CD79A: variants seen among roughly 807,000 people sequenced by gnomAD.
CD79A encodes the protein CD79a molecule, also known as B-cell antigen receptor complex-associated protein alpha chain.
In CD79A, 16 loss-of-function variants were observed where a neutral mutation model predicts 27.4. The ratio of observed to expected loss-of-function variants is 0.58; its 90% CI spans 0.40 to 0.89. The LOEUF (loss-of-function observed/expected upper bound fraction) is 0.89. Ranked by LOEUF, CD79A falls within the 40% of genes least tolerant of loss-of-function variation. The pLI is 0.00. For missense variants in CD79A, 237 were observed against 299.7 expected, an observed-to-expected ratio of 0.79 and a Z score of 1.55; for synonymous variants, 110 against 132.7, an observed-to-expected ratio of 0.83 and a Z score of 1.18.
rs782052829 is a variant in CD79A, at chr19:41,879,165, G to A, written c.255G>A (p.Glu85=). The A allele has an allele frequency of 6.2e-7, 1 of 1,614,038 alleles. No homozygotes were observed. Among genetic ancestry groups the A allele is most frequent in the Non-Finnish European group, 8.5e-7 (1 of 1,180,020 alleles). ...TWPPEFLGPG[E]DPNGTLIIQN... The stretch of plus-strand genomic sequence containing the variant: ...CCCCTGAGTTCTTGGGCCCGGGCGA[G>A]GACCCCAATGGTACGCTGATCATCC... The change falls in exon 2 of 5, where the codon GAG becomes GAA. Residue 85 remains glutamate (E), a synonymous_variant. Coordinates refer to ENST00000221972, the MANE Select transcript of CD79A (RefSeq NM_001783.4). The surrounding 1 kb of genome is among the most constrained non-coding windows in gnomAD (Gnocchi z 5.1).
chr19:41,880,751 TG>T lies in CD79A; in HGVS notation c.567+17del. On this transcript the variant is annotated intron_variant, in intron 4 of 4. Transcript: ENST00000221972. ...AAACCTTTATGAAGTGAGTGAAGGG[TG>T]GGGATGGGGTAGGGGCAGTTGTGTT... is the stretch of plus-strand genomic sequence containing the variant. 1 of 1,083,220 alleles carries T rather than the reference TG, an allele frequency of 9.2e-7. No homozygotes were observed. The highest frequency in any genetic ancestry group is 1.3e-5 in the South Asian group (1 of 75,802). 67.1% of individuals were successfully genotyped at this position (1,083,220 alleles called of 1,614,324 possible).
Position 41,878,393 on chromosome 19 carries a change from G to A in CD79A, c.80-597G>A, listed in dbSNP as rs880002116. Reference sequence around the variant, plus strand: ...GACTGCCTGGTGATGCTGGCAACCCGCCTGCCCTCCCAGAGCCTCAGCCAT... The same window carrying A: ...GACTGCCTGGTGATGCTGGCAACCCACCTGCCCTCCCAGAGCCTCAGCCAT... On this transcript the variant is annotated intron_variant, in intron 1 of 4. Transcript: ENST00000221972. This position sits in a 1 kb window ranked among gnomAD's most constrained non-coding sequence, Gnocchi z 4.3. Among the ~76,000 whole-genome samples the A allele has an allele frequency of 1.3e-5, 2 of 152,150 alleles. No individual in the cohort carries two copies. Among genetic ancestry groups the A allele is most frequent in the African/African-American group, 2.4e-5 (1 of 41,428 alleles).
chr19:41,877,519 T>A lies in CD79A; in HGVS notation c.79+136T>A. ...GGATAGGGGACCCAGGGAAGATGCC[T>A]ATAGAAATCGTATCTGTGCCAAGAT... On this transcript the variant is annotated intron_variant, in intron 1 of 4. Transcript: ENST00000221972. The surrounding 1 kb of genome is among the most constrained non-coding windows in gnomAD (Gnocchi z 4.1). 1 of 738,816 alleles carries A rather than the reference T, an allele frequency of 1.4e-6. No individual in the cohort carries two copies. Among genetic ancestry groups the A allele is most frequent in the East Asian group, 2.6e-5 (1 of 38,440 alleles). 45.8% of individuals were successfully genotyped at this position (738,816 alleles called of 1,614,324 possible). A position where few individuals can be genotyped will look rare whatever the true frequency, so the allele number is the denominator to read the frequency against.
Position 41,881,005 on chromosome 19 carries a change from C to T in CD79A, c.*25C>T, listed in dbSNP as rs782090035. Reference sequence around the variant, plus strand: ...ACACCCCTACTCCTGCCAGGCTGCCCCCGCCTGCTGTGCACCCAGCTCCAG... The same window carrying T: ...ACACCCCTACTCCTGCCAGGCTGCCTCCGCCTGCTGTGCACCCAGCTCCAG... On this transcript the variant is annotated 3_prime_UTR_variant, in exon 5 of 5. Coordinates refer to ENST00000221972, the MANE Select transcript of CD79A (RefSeq NM_001783.4). 7.2e-7 allele frequency: 1 copy of T among 1,391,262 alleles called. No homozygotes were observed. The highest frequency in any genetic ancestry group is 1.2e-5 in the South Asian group (1 of 81,404). 86.2% of individuals were successfully genotyped at this position (1,391,262 alleles called of 1,614,324 possible). A position where few individuals can be genotyped will look rare whatever the true frequency, so the allele number is the denominator to read the frequency against.
chr19:41,879,099 C>A lies in CD79A; in HGVS notation c.189C>A (p.Asn63Lys), dbSNP rs140047688. The A allele has an allele frequency of 6.2e-7, 1 of 1,613,990 alleles. No individual in the cohort carries two copies. ...QCPHNSSNNA[N>K]VTWWRVLHGN... ...CGCACAATAGCAGCAACAACGCCAA[C>A]GTCACCTGGTGGCGCGTCCTCCATG... The change falls in exon 2 of 5, where the codon AAC becomes AAA. Residue 63 changes from asparagine to lysine, a missense_variant. Transcript: ENST00000221972. This position sits in a 1 kb window ranked among gnomAD's most constrained non-coding sequence, Gnocchi z 5.1.
At position 41,878,877 on chromosome 19, in the gene CD79A, C is replaced by G; in HGVS notation, c.80-113C>G. The G allele has an allele frequency of 6.1e-6, 5 of 815,868 alleles. No homozygotes were observed. Among genetic ancestry groups the G allele is most frequent in the Non-Finnish European group, 9.9e-6 (5 of 502,624 alleles). The allele number at this position is 815,868 out of a possible 1,614,324, so 50.5% of individuals were successfully genotyped here. A position where few individuals can be genotyped will look rare whatever the true frequency, so the allele number is the denominator to read the frequency against. On this transcript the variant is annotated intron_variant, in intron 1 of 4. Transcript: ENST00000221972. This position sits in a 1 kb window ranked among gnomAD's most constrained non-coding sequence, Gnocchi z 4.3. Reference sequence around the variant, plus strand: ...GTCAGGGGCTCTCTCTCTCCCTCCCCACCCAGGAGAGTCCTCACCCTCTTC... The same window carrying G: ...GTCAGGGGCTCTCTCTCTCCCTCCCGACCCAGGAGAGTCCTCACCCTCTTC...
At position 41,877,503 on chromosome 19, in the gene CD79A, A is replaced by C; in HGVS notation, c.79+120A>C. 1 of 829,346 alleles carries C rather than the reference A, an allele frequency of 1.2e-6. No individual in the cohort carries two copies. Among genetic ancestry groups the C allele is most frequent in the Non-Finnish European group, 2.0e-6 (1 of 491,386 alleles). The allele number at this position is 829,346 out of a possible 1,614,324, so 51.4% of individuals were successfully genotyped here. ...GGGAAGAGGAGGCAGAGGATAGGGGACCCAGGGAAGATGCCTATAGAAATC... is the reference window on the plus strand; with the variant it reads ...GGGAAGAGGAGGCAGAGGATAGGGGCCCCAGGGAAGATGCCTATAGAAATC... On this transcript the variant is annotated intron_variant, in intron 1 of 4. Coordinates refer to ENST00000221972, the MANE Select transcript of CD79A (RefSeq NM_001783.4). The surrounding 1 kb of genome is among the most constrained non-coding windows in gnomAD (Gnocchi z 4.1).
Position 41,877,308 on chromosome 19 carries a change from C to T in CD79A, c.4C>T (p.Pro2Ser). Residue 2 changes from proline to serine, a missense_variant, in exon 1 of 5, where the codon CCT becomes TCT. Pro to Ser is a moderately conservative substitution (Grantham distance 74). Coordinates refer to ENST00000221972, the MANE Select transcript of CD79A (RefSeq NM_001783.4). The surrounding 1 kb of genome is among the most constrained non-coding windows in gnomAD (Gnocchi z 4.1). M[P>S]GGPGVLQALP... ...CTAACCAACCCACTGGGAGAAGATG[C>T]CTGGGGGTCCAGGAGTCCTCCAAGC... is the stretch of plus-strand genomic sequence containing the variant. 4 of 1,613,794 alleles carry T rather than the reference C, an allele frequency of 2.5e-6. No homozygotes were observed. Among genetic ancestry groups the T allele is most frequent in the South Asian group, 1.1e-5 (1 of 91,076 alleles).
rs1555843457 is a variant in CD79A at position 41,879,029 on chromosome 19, C to T, written c.119C>T (p.Ala40Val). The T allele has an allele frequency of 5.0e-6, 8 of 1,613,556 alleles. No individual in the cohort carries two copies. In the African/African-American group the frequency reaches 5.3e-5, roughly 11 times the overall value. Reference protein sequence around the residue: ...CQALWMHKVPASLMVSLGEDA... With the variant: ...CQALWMHKVPVSLMVSLGEDA... Reference sequence around the variant, plus strand: ...GCCCTGTGGATGCACAAGGTCCCAGCATCATTGATGGTGAGCCTGGGGGAA... The same window carrying T: ...GCCCTGTGGATGCACAAGGTCCCAGTATCATTGATGGTGAGCCTGGGGGAA... The change falls in exon 2 of 5, where the codon GCA becomes GTA. Residue 40 changes from alanine to valine, a missense_variant. Physicochemically the swap from Ala to Val is moderately conservative, Grantham distance 64. Coordinates refer to ENST00000221972, the MANE Select transcript of CD79A (RefSeq NM_001783.4). This position sits in a 1 kb window ranked among gnomAD's most constrained non-coding sequence, Gnocchi z 5.1.
Position 41,879,707 on chromosome 19 carries a change from C to A in CD79A, c.498+54C>A. The A allele has an allele frequency of 8.2e-7, 1 of 1,214,666 alleles. No homozygotes were observed. Among genetic ancestry groups the A allele is most frequent in the South Asian group, 1.2e-5 (1 of 81,444 alleles). The allele number at this position is 1,214,666 out of a possible 1,614,324, so 75.2% of individuals were successfully genotyped here. On this transcript the variant is annotated intron_variant, in intron 3 of 4. Transcript: ENST00000221972. This position sits in a 1 kb window ranked among gnomAD's most constrained non-coding sequence, Gnocchi z 5.1. ...CGGGCGAGGGCCTGGGCCGAGGGACCCCCAATACCCAGGTAGCCCTCTAGA... is the reference window on the plus strand; with the variant it reads ...CGGGCGAGGGCCTGGGCCGAGGGACACCCAATACCCAGGTAGCCCTCTAGA...
In CD79A at chr19:41,879,470, G is replaced by T. The variant is rs782507988; in HGVS notation, c.380-65G>T. ...GGGTCTGGGGCCTTGCAGGAGGTGG[G>T]CGGGGCCAGGAGGCTAGGGAGGGCA... On this transcript the variant is annotated intron_variant, in intron 2 of 4. Transcript: ENST00000221972. The surrounding 1 kb of genome is among the most constrained non-coding windows in gnomAD (Gnocchi z 5.1). The T allele has an allele frequency of 3.8e-6, 5 of 1,315,788 alleles. No homozygotes were observed. Among genetic ancestry groups the T allele is most frequent in the Admixed American group, 1.9e-5 (1 of 54,018 alleles). The allele number at this position is 1,315,788 out of a possible 1,614,324, so 81.5% of individuals were successfully genotyped here.
At chr19:41,880,413 G>GAGAGAGAA (rs1555843945) in intron 3 of CD79A, among the ~76,000 whole-genome samples, 62 of 144,488 alleles carry the variant, frequency 4.3e-4, no homozygotes, top group African/African-American at 1.5e-3. Context: ...GAGAGAGAGA[G>GAGAGAGAA]AGAGAGAGGG....
chr19:41,879,044 G>C lies in CD79A; in HGVS notation c.134G>C (p.Ser45Thr), dbSNP rs199603062. Residue 45 changes from serine (S) to threonine (T), a missense_variant, in exon 2 of 5, where the codon AGC becomes ACC. Transcript: ENST00000221972. This position sits in a 1 kb window ranked among gnomAD's most constrained non-coding sequence, Gnocchi z 5.1. ...MHKVPASLMV[S>T]LGEDAHFQCP... ...AAGGTCCCAGCATCATTGATGGTGA[G>C]CCTGGGGGAAGACGCCCACTTCCAA... 9.7e-5 allele frequency: 157 copies of C among 1,613,070 alleles called. No homozygotes were observed. Among genetic ancestry groups the C allele is most frequent in the Admixed American group, 9.5e-4 (57 of 60,002 alleles).
chr19:41,880,692 T>A lies in CD79A; in HGVS notation c.521T>A (p.Leu174His). 7.9e-7 allele frequency: 1 copy of A among 1,259,510 alleles called. No individual in the cohort carries two copies. Among genetic ancestry groups the A allele is most frequent in the Non-Finnish European group, 1.0e-6 (1 of 962,134 alleles). 78.0% of individuals were successfully genotyped at this position (1,259,510 alleles called of 1,614,324 possible). A position where few individuals can be genotyped will look rare whatever the true frequency, so the allele number is the denominator to read the frequency against. Residue 174 changes from leucine (L) to histidine (H), a missense_variant, in exon 4 of 5, where the codon CTC (leucine) becomes CAC (histidine). Coordinates refer to ENST00000221972, the MANE Select transcript of CD79A (RefSeq NM_001783.4). ...CAGAAACGATGGCAGAACGAGAAGC[T>A]CGGGTTGGATGCCGGGGATGAATAT... ...LFRKRWQNEKLGLDAGDEYED... is the reference protein window; with the variant it reads ...LFRKRWQNEKHGLDAGDEYED...
chr19:41,880,645 G>GCGGGCCCC, intron 3 of CD79A, 25 bp from the exon 4 acceptor site: 8 of 1,134,286 alleles, frequency 7.1e-6, no homozygotes, highest in Non-Finnish European at 7.8e-6. Flanking sequence ...GCTCACTGAG[G>GCGGGCCCC]CACCCACCCC....
Position 41,879,678 on chromosome 19 carries a change from C to A in CD79A, c.498+25C>A. The A allele has an allele frequency of 6.6e-7, 1 of 1,521,362 alleles. No individual in the cohort carries two copies. The highest frequency in any genetic ancestry group is 9.1e-7 in the Non-Finnish European group (1 of 1,098,558). 94.2% of individuals were successfully genotyped at this position (1,521,362 alleles called of 1,614,324 possible). ...GGTGAGCCCCCTCGGACCTCTGAGT[C>A]AGCCGGGCGAGGGCCTGGGCCGAGG... On this transcript the variant is annotated intron_variant, in intron 3 of 4. Coordinates refer to ENST00000221972, the MANE Select transcript of CD79A (RefSeq NM_001783.4). The surrounding 1 kb of genome is among the most constrained non-coding windows in gnomAD (Gnocchi z 5.1).
Position 41,879,229 on chromosome 19 carries a change from C to G in CD79A, c.319C>G (p.Arg107Gly). 2 of 1,613,698 alleles carry G rather than the reference C, an allele frequency of 1.2e-6. No individual in the cohort carries two copies. Among genetic ancestry groups the G allele is most frequent in the Non-Finnish European group, 1.7e-6 (2 of 1,179,982 alleles). The change falls in exon 2 of 5, where the codon CGG (arginine) becomes GGG (glycine). Residue 107 changes from arginine (R) to glycine (G), a missense_variant. Arg to Gly is a moderately radical substitution (Grantham distance 125, BLOSUM62 -2). Transcript: ENST00000221972. The surrounding 1 kb of genome is among the most constrained non-coding windows in gnomAD (Gnocchi z 5.1). ...GAGCCATGGGGGCATATACGTGTGC[C>G]GGGTCCAGGAGGGCAACGAGTCATA... ...NKSHGGIYVC[R>G]VQEGNESYQQ... is the part of the protein sequence containing the mutation.
At position 41,881,221 on chromosome 19, in the gene CD79A, CGCT is replaced by C. The variant is rs1233039553; in HGVS notation, c.*244_*246del. The C allele has an allele frequency of 1.7e-6, 1 of 583,668 alleles. No homozygotes were observed. The highest frequency in any genetic ancestry group is 3.1e-6 in the Non-Finnish European group (1 of 324,388). The allele number at this position is 583,668 out of a possible 1,614,324, so 36.2% of individuals were successfully genotyped here. ...ACCTCCTAACCTAATCCCCCCGCCC[CGCT>C]GCCTTTCCCAGGCTCCCCTCACCCC... On this transcript the variant is annotated 3_prime_UTR_variant, in exon 5 of 5. Coordinates refer to ENST00000221972, the MANE Select transcript of CD79A (RefSeq NM_001783.4).
rs2074197345 is a variant in CD79A at position 41,877,736 on chromosome 19, GTC to G, written c.79+355_79+356del. On this transcript the variant is annotated intron_variant, in intron 1 of 4. Transcript: ENST00000221972. The surrounding 1 kb of genome is among the most constrained non-coding windows in gnomAD (Gnocchi z 4.1). ...GGACTTAGGGGTAGCAGCATTCAGC[GTC>G]TGTCAAGGGGAGAAAAAGCTTTCTC... Among the ~76,000 whole-genome samples, 1 of 152,172 alleles carries G rather than the reference GTC, an allele frequency of 6.6e-6. No homozygotes were observed. The highest frequency in any genetic ancestry group is 2.4e-5 in the African/African-American group (1 of 41,434).
Sources: gnomAD v4.1 joint callset for allele counts (sites outside exome capture counted in the v4.1 genomes callset) on GRCh38, gnomAD v4.1.1 for gene constraint, Gnocchi (gnomAD v3.1) non-coding constraint, MANE v1.5 for transcripts, NCBI Gene and HGNC (gene_info 2026-07-23, HGNC 2026-07-21) for gene names.